Variants in NUMB observed in about 807,000 individuals in gnomAD.
NUMB encodes NUMB endocytic adaptor protein.
A neutral mutation model predicts 59.7 loss-of-function variants in NUMB; 29 were observed. The ratio of observed to expected loss-of-function variants is 0.49; its 90% CI spans 0.36 to 0.66. The LOEUF (loss-of-function observed/expected upper bound fraction) is 0.66. Ranked by LOEUF, NUMB falls within the 30% of genes least tolerant of loss-of-function variation. The pLI is 0.00. For synonymous variants in NUMB, 288 were observed against 288.2 expected, an observed-to-expected ratio of 1.00 and a Z score of 0.01; for missense variants, 723 against 822.0, an observed-to-expected ratio of 0.88 and a Z score of 1.47.
chr14:73,365,540 G>A (rs1020791697), intron 3 of NUMB, among the ~76,000 whole-genome samples: 11 of 152,102 alleles, frequency 7.2e-5, no homozygotes, highest in African/African-American at 1.7e-4. Context: ...GGAGGCTGAG[G>A]TGGAAGGACT....
chr14:73,375,568 A>G (rs1441361033), intron 2 of NUMB, among the ~76,000 whole-genome samples: 5 of 152,250 alleles, frequency 3.3e-5, no homozygotes, highest in Non-Finnish European at 5.9e-5. Context: ...ATTCTATCAT[A>G]CAACATATAT....
At chr14:73,421,223 C>G (rs908529966) in intron 1 of NUMB, among the ~76,000 whole-genome samples, 3 of 151,886 alleles carry the variant, frequency 2.0e-5, no homozygotes, top group African/African-American at 7.3e-5. Flanking sequence ...CTTGCTCTGT[C>G]ACCCAGGCTG....
At chr14:73,449,573 A>G (rs1227043376) in intron 1 of NUMB, among the ~76,000 whole-genome samples, 1 of 152,220 alleles carries the variant, frequency 6.6e-6, no homozygotes, top group African/African-American at 2.4e-5. Flanking sequence ...TGATAGATAA[A>G]CAGCCTGTGA....
At chr14:73,350,078 TACACACACAC>T (rs71112732) in intron 4 of NUMB, among the ~76,000 whole-genome samples, 2 of 137,698 alleles carry the variant, frequency 1.5e-5, no homozygotes, top group Non-Finnish European at 3.1e-5. Context: ...CATACATACA[TACACACACAC>T]ACACACACAC....
chr14:73,306,462 T>C (rs1890432610), intron 6 of NUMB, among the ~76,000 whole-genome samples: 1 of 152,226 alleles, frequency 6.6e-6, no homozygotes, highest in African/African-American at 2.4e-5. Context: ...CACCAACCCC[T>C]TGGTCATCCA....
intron 3 of NUMB, among the ~76,000 whole-genome samples, chr14:73,365,618 T>C (rs990497158): frequency 6.7e-6 from 1 of 148,570 alleles, no homozygotes; most frequent in African/African-American, 2.5e-5. Context: ...AAGAAAAAAA[T>C]TAAAAATTAA....
intron 1 of NUMB, among the ~76,000 whole-genome samples, chr14:73,455,597 A>G (rs959284422): frequency 3.3e-5 from 5 of 152,146 alleles, no homozygotes; most frequent in African/African-American, 1.2e-4. Flanking sequence ...ACATATTACC[A>G]CTATTTCTTT....
At chr14:73,334,207 G>A (rs549506437) in intron 4 of NUMB, among the ~76,000 whole-genome samples, 6 of 152,088 alleles carry the variant, frequency 3.9e-5, no homozygotes, top group African/African-American at 7.2e-5. Context: ...GTGAGCCACC[G>A]CTTTAGTATT....
chr14:73,394,423 A>AAAT (rs59617541), intron 2 of NUMB, among the ~76,000 whole-genome samples: 1 of 136,046 alleles, frequency 7.4e-6, no homozygotes, highest in Non-Finnish European at 1.5e-5. Context: ...AAAAAAAAAA[A>AAAT]GAGAGAGAGA....
chr14:73,405,768 G>A (rs1339869184), intron 2 of NUMB, among the ~76,000 whole-genome samples: 1 of 147,848 alleles, frequency 6.8e-6, no homozygotes, highest in Non-Finnish European at 1.5e-5. Context: ...AAGTGGGCAG[G>A]ACAAACTCTG....
chr14:73,363,853 G>A (rs111361100), intron 3 of NUMB, among the ~76,000 whole-genome samples: 252 of 152,282 alleles, frequency 1.7e-3, no homozygotes, highest in African/African-American at 5.9e-3. Context: ...GAAGGCTGAC[G>A]TGCGATGAAA....
At chr14:73,293,390 T>G (rs1889531799) in intron 7 of NUMB, among the ~76,000 whole-genome samples, 1 of 132,324 alleles carries the variant, frequency 7.6e-6, no homozygotes, top group Non-Finnish European at 1.6e-5. Context: ...CTCGTTTCTT[T>G]TTCTTTTTTT....
chr14:73,383,323 G>A lies in NUMB; in HGVS notation c.-100-16342C>T, dbSNP rs75214222. Among the ~76,000 whole-genome samples the A allele has an allele frequency of 4.7e-3, 708 of 152,160 alleles. 5 individuals are homozygous for A. Among genetic ancestry groups the A allele is most frequent in the South Asian group, 0.03 (143 of 4,820 alleles). On this transcript the variant is annotated intron_variant, in intron 2 of 12. Transcript: ENST00000555238. ...CAAAAAAAAAGTTAAATTGAAAATC[G>A]AGAACTAAAAAATACATAATATAAA...
chr14:73,318,334 T>C lies in NUMB; in HGVS notation c.202-1912A>G, dbSNP rs1326155741. ...TGCAAAATGCATAAAAAGACAGTTA[T>C]TAAAGAATAATAATGTTCTTTTAAA... On this transcript the variant is annotated intron_variant, in intron 5 of 12. Coordinates refer to ENST00000555238, the MANE Select transcript of NUMB (RefSeq NM_001005743.2). Among the ~76,000 whole-genome samples the C allele has an allele frequency of 2.0e-5, 3 of 152,344 alleles. No homozygotes were observed. In the East Asian group the frequency reaches 5.8e-4, roughly 29 times the overall value.
intron 2 of NUMB, among the ~76,000 whole-genome samples, chr14:73,396,223 C>T (rs983187225): frequency 7.2e-5 from 11 of 152,064 alleles, no homozygotes; most frequent in African/African-American, 2.4e-4. Flanking sequence ...GCTGAGATTA[C>T]AGGCATGAGC....
At position 73,385,495 on chromosome 14, in the gene NUMB, C is replaced by CTTTTTT. The variant is rs1566773092; in HGVS notation, c.-100-18515_-100-18514insAAAAAA. 2.5e-4 allele frequency among the ~76,000 whole-genome samples: 17 copies of CTTTTTT among 67,540 alleles called. 1 individual carries two copies. Among genetic ancestry groups the CTTTTTT allele is most frequent in the Non-Finnish European group, 3.0e-4 (11 of 36,308 alleles). 44.3% of individuals were successfully genotyped at this position (67,540 alleles called of 152,430 possible). A position where few individuals can be genotyped will look rare whatever the true frequency, so the allele number is the denominator to read the frequency against. Reference sequence around the variant, plus strand: ...CAAAATAGCTACATATGGCTAGTGGCCTTTTTTTTTTTTTTTTTTTTTTTG... The same window carrying CTTTTTT: ...CAAAATAGCTACATATGGCTAGTGGCTTTTTTCTTTTTTTTTTTTTTTTTTTTTTTG... On this transcript the variant is annotated intron_variant, in intron 2 of 12. Transcript: ENST00000555238.
At chr14:73,367,697 C>G (rs1170275784) in intron 2 of NUMB, among the ~76,000 whole-genome samples, 1 of 149,086 alleles carries the variant, frequency 6.7e-6, no homozygotes, top group Non-Finnish European at 1.5e-5. Context: ...ATAGGTTGAG[C>G]CTGGGAGGTC....
intron 3 of NUMB, among the ~76,000 whole-genome samples, chr14:73,359,057 G>T (rs899931689): frequency 9.9e-5 from 15 of 152,180 alleles, no homozygotes; most frequent in Non-Finnish European, 1.2e-4. Context: ...GCTATTTATT[G>T]TTGTACCATT....
intron 3 of NUMB, among the ~76,000 whole-genome samples, chr14:73,365,703 T>C (rs1396191645): frequency 2.0e-5 from 3 of 152,256 alleles, no homozygotes; most frequent in Non-Finnish European, 4.4e-5. Flanking sequence ...AATTTTTGTA[T>C]AATTTTGCTC....
Sources: allele counts gnomAD v4.1 joint callset (sites outside exome capture counted in the v4.1 genomes callset), GRCh38; gene constraint gnomAD v4.1.1; transcripts MANE v1.5; gene names NCBI Gene and HGNC (gene_info 2026-07-23, HGNC 2026-07-21).